ANO4: variants seen among roughly 807,000 people sequenced by gnomAD.
The protein encoded by ANO4 is anoctamin 4.
Under a neutral mutation model 141.9 loss-of-function variants are expected in ANO4, and 69 were observed. That is an observed-to-expected ratio of 0.49 (90% CI 0.40 to 0.59). The LOEUF is 0.59. ANO4 is among the 20% of genes least tolerant of loss of function. The pLI, the probability that ANO4 is intolerant of heterozygous loss-of-function variation, is 0.00. For missense variants in ANO4, 894 were observed against 1,162.2 expected (o/e 0.77, Z 3.36); for synonymous variants, 350 against 394.3 (o/e 0.89, Z 1.33).
chr12:100,727,910 T>G (rs1210304062), intron 1 of ANO4, among the ~76,000 whole-genome samples: 9 of 152,220 alleles, frequency 5.9e-5, no homozygotes, highest in Non-Finnish European at 1.2e-4. Context: ...TTTACTTCAA[T>G]CTTACTTAAC....
chr12:100,955,694 G>A (rs73375029), intron 5 of ANO4, among the ~76,000 whole-genome samples: 13,810 of 152,170 alleles, frequency 0.091, 851 homozygotes, highest in African/African-American at 0.16. Flanking sequence ...GATGTGAAAC[G>A]GATAGAATAC....
rs146882180 is a variant in ANO4 at position 101,105,388 on chromosome 12, A to G, written c.2150-5016A>G. On this transcript the variant is annotated intron_variant, in intron 22 of 27. Coordinates refer to ENST00000392977, the MANE Select transcript of ANO4 (RefSeq NM_001286615.2). Reference sequence around the variant, plus strand: ...AATTTTGGCTTTTTGAGCCAATGGCAAAATCAAGGCTATTTTGTAGACACT... The same window carrying G: ...AATTTTGGCTTTTTGAGCCAATGGCGAAATCAAGGCTATTTTGTAGACACT... Among the ~76,000 whole-genome samples, 474 of 152,372 alleles carry G rather than the reference A, an allele frequency of 3.1e-3. 1 individual carries two copies. The highest frequency in any genetic ancestry group is 0.011 in the African/African-American group (461 of 41,586).
intron 18 of ANO4, among the ~76,000 whole-genome samples, chr12:101,095,441 A>G (rs2049943944): frequency 6.6e-6 from 1 of 152,208 alleles, no homozygotes; most frequent in Admixed American, 6.5e-5. Context: ...GCTGGTGACC[A>G]GGAGACCTTT....
chr12:100,726,960 A>ACCCCCCCCCCCC (rs535734069), intron 1 of ANO4, among the ~76,000 whole-genome samples: 2 of 141,704 alleles, frequency 1.4e-5, no homozygotes, highest in East Asian at 2.3e-4. Context: ...TTGCCCCGGG[A>ACCCCCCCCCCCC]CCCCCCCCGC....
chr12:100,860,693 G>T (rs1433274410), intron 1 of ANO4, among the ~76,000 whole-genome samples: 2 of 152,056 alleles, frequency 1.3e-5, no homozygotes, highest in Non-Finnish European at 2.9e-5. Context: ...TCTATACCAG[G>T]CATTGTTCAA....
intron 6 of ANO4, among the ~76,000 whole-genome samples, chr12:100,972,734 G>A (rs2043984436): frequency 6.6e-6 from 1 of 152,064 alleles, no homozygotes; most frequent in South Asian, 2.1e-4. Context: ...AACCGAAAGA[G>A]AAAGAAAGAA....
intron 5 of ANO4, among the ~76,000 whole-genome samples, chr12:100,965,550 T>C (rs951106597): frequency 1.3e-5 from 2 of 152,056 alleles, no homozygotes; most frequent in African/African-American, 4.8e-5. Context: ...ACATTGTACC[T>C]GGCCTGGCAT....
At chr12:101,047,754 T>C (rs2047689005) in intron 13 of ANO4, among the ~76,000 whole-genome samples, 1 of 152,220 alleles carries the variant, frequency 6.6e-6, no homozygotes, top group African/African-American at 2.4e-5. Context: ...AAAGTATTGC[T>C]AGTTGTCTTT....
At chr12:101,085,565 T>C (rs1392240696) in intron 16 of ANO4, among the ~76,000 whole-genome samples, 3 of 152,198 alleles carry the variant, frequency 2.0e-5, no homozygotes, top group African/African-American at 7.2e-5. Context: ...TTTTATAGAA[T>C]GGACTTGAGC....
chr12:101,027,844 C>T (rs769890225), intron 9 of ANO4, among the ~76,000 whole-genome samples: 12 of 152,122 alleles, frequency 7.9e-5, no homozygotes, highest in Non-Finnish European at 2.9e-5. Context: ...TTAAATGGGT[C>T]CCATTTCCCT....
At chr12:101,061,551 C>A (rs1223190176) in intron 14 of ANO4, among the ~76,000 whole-genome samples, 1 of 151,966 alleles carries the variant, frequency 6.6e-6, no homozygotes, top group Non-Finnish European at 1.5e-5. Context: ...TTCACATAGT[C>A]CCATATTTCT....
intron 14 of ANO4, among the ~76,000 whole-genome samples, chr12:101,055,884 T>C (rs551569203): frequency 6.6e-5 from 10 of 152,304 alleles, no homozygotes; most frequent in African/African-American, 2.4e-4. Flanking sequence ...TCCATGTAGA[T>C]ATCCAGTTTT....
intron 5 of ANO4, among the ~76,000 whole-genome samples, chr12:100,962,437 T>G (rs1043690451): frequency 6.6e-6 from 1 of 152,164 alleles, no homozygotes; most frequent in Non-Finnish European, 1.5e-5. Context: ...CTGAAGAGAT[T>G]ACTTCAAACT....
intron 1 of ANO4, among the ~76,000 whole-genome samples, chr12:100,721,552 A>G (rs1198436119): frequency 6.6e-6 from 1 of 152,188 alleles, no homozygotes; most frequent in Non-Finnish European, 1.5e-5. Context: ...TAGGTGGAAC[A>G]TGACATCTGA....
intron 5 of ANO4, among the ~76,000 whole-genome samples, chr12:100,966,016 G>A (rs1433281466): frequency 1.3e-5 from 2 of 152,010 alleles, no homozygotes; most frequent in Non-Finnish European, 2.9e-5. Context: ...TGTCACAGAC[G>A]AACCTGCAGG....
At chr12:101,078,836 TA>T (rs548368998) in intron 14 of ANO4, among the ~76,000 whole-genome samples, 344 of 151,308 alleles carry the variant, frequency 2.3e-3, no homozygotes, top group African/African-American at 7.1e-3. Context: ...AAAAATAAAA[TA>T]AAAAAAAATA....
chr12:100,967,117 A>G (rs2043705424), intron 5 of ANO4, among the ~76,000 whole-genome samples: 1 of 152,100 alleles, frequency 6.6e-6, no homozygotes, highest in African/African-American at 2.4e-5. Context: ...TTTTTACTCC[A>G]GGTAATTTCC....
chr12:100,867,667 C>T (rs931803032), intron 1 of ANO4, among the ~76,000 whole-genome samples: 5 of 152,092 alleles, frequency 3.3e-5, no homozygotes, highest in African/African-American at 1.2e-4. Flanking sequence ...TATATGGACA[C>T]CCCATGGCCC....
chr12:100,952,005 G>GGA (rs952969890), intron 5 of ANO4, among the ~76,000 whole-genome samples: 3 of 152,114 alleles, frequency 2.0e-5, no homozygotes, highest in African/African-American at 7.2e-5. Context: ...GGGGGAGGGA[G>GGA]GAATCATCCC....
Sources: allele counts gnomAD v4.1 joint callset (sites outside exome capture counted in the v4.1 genomes callset), GRCh38; gene constraint gnomAD v4.1.1; transcripts MANE v1.5; gene names NCBI Gene and HGNC (gene_info 2026-07-23, HGNC 2026-07-21).